DST: variants seen among roughly 807,000 people sequenced by gnomAD.
The protein encoded by DST is dystonin.
DST carries 253 observed loss-of-function variants against 875.2 expected under a neutral mutation model. The ratio of observed to expected loss-of-function variants is 0.29; its 90% CI spans 0.26 to 0.32. The LOEUF (loss-of-function observed/expected upper bound fraction) is 0.32, where lower values mean the gene tolerates loss of function less well. DST is among the 10% of genes least tolerant of loss of function. The pLI is 1.00. For missense variants in DST, 8,287 were observed against 9,111.6 expected (o/e 0.91, Z 3.68); for synonymous variants, 3,124 against 3,197.1 (o/e 0.98, Z 0.77).
intron 32 of DST, 35 bp downstream of exon 32, chr6:56,629,215 A>G (rs1409849539): frequency 3.7e-6 from 6 of 1,606,488 alleles, no homozygotes; most frequent in Non-Finnish European, 5.1e-6. Flanking sequence ...TAGACATTAA[A>G]TCTGTGCTAA....
chr6:56,559,385 A>G (rs1028929621), intron 58 of DST, among the ~76,000 whole-genome samples: 1 of 152,152 alleles, frequency 6.6e-6, no homozygotes, highest in Non-Finnish European at 1.5e-5. Flanking sequence ...TGGATTAAAT[A>G]TATCTTTGAA....
intron 15 of DST, 133 bp from the exon 16 acceptor site, chr6:56,642,636 G>A: frequency 6.2e-7 from 1 of 1,614,108 alleles, no homozygotes; most frequent in East Asian, 2.2e-5. Flanking sequence ...GTCCATCAAA[G>A]GATTCACTGC....
At chr6:56,467,098 A>C (rs1223904126) in intron 98 of DST, 1 of 152,214 alleles carries the variant, frequency 6.6e-6, no homozygotes, top group Non-Finnish European at 1.5e-5. Context: ...CATTTCTAAT[A>C]GGTTCATGTC....
chr6:56,769,773 C>T (rs976751747), intron 4 of DST, among the ~76,000 whole-genome samples: 13 of 152,088 alleles, frequency 8.5e-5, no homozygotes, highest in African/African-American at 2.2e-4. Context: ...GCCAAGATCA[C>T]GCCACTGCAC....
chr6:56,532,580 A>G (rs1194497557), intron 63 of DST, 70 bp from the exon 64 acceptor site: 82 of 1,386,934 alleles, frequency 5.9e-5, no homozygotes, highest in Non-Finnish European at 7.6e-5. Flanking sequence ...AATGTATTCT[A>G]AGTACATTTG....
At position 56,940,996 on chromosome 6, in the gene DST, T is replaced by A. The variant is rs182518172; in HGVS notation, c.216+12789A>T. ...TACAAGTTTATAAACTTTGTTCATC[T>A]AAGAGTCTAATTTGGTTTTCTCTTC... On this transcript the variant is annotated intron_variant, in intron 2 of 103. Transcript: ENST00000680361. 3.9e-5 allele frequency among the ~76,000 whole-genome samples: 6 copies of A among 152,336 alleles called. No homozygotes were observed. The East Asian group carries it at 1.2e-3, about 29-fold the overall frequency.
At chr6:56,578,738 T>C (rs2097913707) in intron 50 of DST, 76 bp downstream of exon 50, 1 of 1,485,710 alleles carries the variant, frequency 6.7e-7, no homozygotes. Context: ...TAGTGAACAT[T>C]TTTCTCCATA....
At chr6:56,614,612 AT>A in intron 36 of DST, 128 bp from the exon 37 acceptor site, 1 of 1,310,920 alleles carries the variant, frequency 7.6e-7, no homozygotes, top group East Asian at 3.0e-5. Context: ...AAAACATTTT[AT>A]TCATTCACTT....
At position 56,572,943 on chromosome 6, in the gene DST, T is replaced by A. The variant is rs1161745751; in HGVS notation, c.13358A>T (p.Asp4453Val). ...TGCTTCTGAAAACCGAGCAGACAAG[T>A]CTTTCATTTTGGCTTGCAGTGAGGA... ...TASSLQAKMK[D>V]LSARFSEASH... Residue 4453 changes from aspartate to valine, a missense_variant, in exon 52 of 104, where the codon GAC becomes GTC. This residue lies in a region of DST where 1,513 missense variants were observed against 1,677.8 expected (regional missense o/e 0.90). Transcript: ENST00000680361. 1 of 1,613,114 alleles carries A rather than the reference T, an allele frequency of 6.2e-7. No individual in the cohort carries two copies. Among genetic ancestry groups the A allele is most frequent in the South Asian group, 1.1e-5 (1 of 90,930 alleles).
chr6:56,564,380 T>G (rs2097610621), intron 55 of DST, among the ~76,000 whole-genome samples: 1 of 152,210 alleles, frequency 6.6e-6, no homozygotes, highest in African/African-American at 2.4e-5. Context: ...GTTTGTCTAT[T>G]ATTTGTGTAC....
At chr6:56,602,789 TAGCC>T in intron 43 of DST, 89 bp downstream of exon 43, 1 of 958,094 alleles carries the variant, frequency 1.0e-6, no homozygotes, top group Non-Finnish European at 1.5e-6. Flanking sequence ...TAATCCTTTG[TAGCC>T]TTAGCAAAGT....
At position 56,558,912 on chromosome 6, in the gene DST, C is replaced by CT. The variant is rs539481178; in HGVS notation, c.14440+1381dup. On this transcript the variant is annotated intron_variant, in intron 58 of 103. Transcript: ENST00000680361. ...CTTTACATTCCATTGGATTTACCCT[C>CT]TGCTAGGAAGCCTTTTCTGTTTTCT... Among the ~76,000 whole-genome samples the CT allele has an allele frequency of 2.3e-3, 346 of 152,222 alleles. 1 individual carries two copies. Among genetic ancestry groups the CT allele is most frequent in the African/African-American group, 7.7e-3 (319 of 41,558 alleles).
At chr6:56,525,807 T>G (rs1584032081) in intron 69 of DST, among the ~76,000 whole-genome samples, 2 of 152,206 alleles carry the variant, frequency 1.3e-5, no homozygotes, top group South Asian at 4.1e-4. Context: ...TGAATGCCTA[T>G]AAAACTCTTG....
At chr6:56,925,622 C>T (rs979112333) in intron 2 of DST, among the ~76,000 whole-genome samples, 6 of 152,162 alleles carry the variant, frequency 3.9e-5, no homozygotes, top group Admixed American at 1.3e-4. Flanking sequence ...CTTTGTCTTC[C>T]GAACACAGCT....
rs769885412 is a variant in DST at position 56,611,539 on chromosome 6, T to C, written c.5116A>G (p.Ile1706Val). Residue 1706 changes from isoleucine to valine, a missense_variant, in exon 38 of 104, where the codon ATA becomes GTA. Ile to Val is a conservative substitution (Grantham distance 29). This residue lies in a region of DST where 3,138 missense variants were observed against 3,116.6 expected (regional missense o/e 1.01). Coordinates refer to ENST00000680361, the MANE Select transcript of DST (RefSeq NM_001374736.1). ...KEQLSEALQT[I>V]QLFLAKHGDK... is the part of the protein sequence containing the mutation. The stretch of plus-strand genomic sequence containing the variant: ...CCATGTTTTGCCAAAAAAAGCTGTA[T>C]AGTTTGAAGTGCTTCCGATAATTGT... 7.4e-6 allele frequency: 12 copies of C among 1,613,142 alleles called. No homozygotes were observed. Among genetic ancestry groups the C allele is most frequent in the South Asian group, 5.5e-5 (5 of 90,940 alleles).
At position 56,607,223 on chromosome 6, in the gene DST, A is replaced by T; in HGVS notation, c.7405T>A (p.Leu2469Ile). 6.2e-7 allele frequency: 1 copy of T among 1,613,416 alleles called. No homozygotes were observed. The highest frequency in any genetic ancestry group is 8.5e-7 in the Non-Finnish European group (1 of 1,179,598). The change falls in exon 40 of 104, where the codon TTA becomes ATA. Residue 2469 changes from leucine to isoleucine, a missense_variant. Leu to Ile is a conservative substitution (Grantham distance 5). This residue lies in a region of DST where 3,138 missense variants were observed against 3,116.6 expected (regional missense o/e 1.01). Transcript: ENST00000680361. ...SNGNKCEAPALSFSDKTMLSG... is the reference protein window; with the variant it reads ...SNGNKCEAPAISFSDKTMLSG... ...AACATGGTTTTGTCACTGAATGATA[A>T]GGCTGGGGCTTCACACTTATTTCCA...
intron 2 of DST, among the ~76,000 whole-genome samples, chr6:56,923,598 G>A (rs1311656328): frequency 1.3e-5 from 2 of 152,094 alleles, no homozygotes; most frequent in Admixed American, 6.5e-5. Context: ...ATGGGCCAGT[G>A]GTTCAGGAGA....
At chr6:56,557,190 T>G (rs1025904829) in intron 59 of DST, 129 bp downstream of exon 59, 2 of 806,142 alleles carry the variant, frequency 2.5e-6, no homozygotes, top group African/African-American at 1.7e-5. Flanking sequence ...ATCTGAAACA[T>G]TACATATATA....
chr6:56,501,487 T>G lies in DST; in HGVS notation c.19740+33A>C, dbSNP rs77434452. The G allele has an allele frequency of 4.5e-3, 6,411 of 1,419,676 alleles. 231 individuals carry two copies. In the African/African-American group the frequency reaches 0.081, roughly 18 times the overall value. The allele number at this position is 1,419,676 out of a possible 1,614,324, so 87.9% of individuals were successfully genotyped here. A position where few individuals can be genotyped will look rare whatever the true frequency, so the allele number is the denominator to read the frequency against. On this transcript the variant is annotated intron_variant, in intron 79 of 103. Transcript: ENST00000680361. ...TACATTAATATCTGAAATTGAAAAT[T>G]TATAATTTCTTAAGAAAAGTCTTGG...
Sources: gnomAD v4.1 joint callset for allele counts (sites outside exome capture counted in the v4.1 genomes callset) on GRCh38, gnomAD v4.1.1 for gene constraint, gnomAD v4.1.1 regional missense constraint, MANE v1.5 for transcripts, NCBI Gene and HGNC (gene_info 2026-07-23, HGNC 2026-07-21) for gene names.